NAV3: variants seen among roughly 807,000 people sequenced by gnomAD.
NAV3 encodes the protein neuron navigator 3.
In NAV3, 87 loss-of-function variants were observed where a neutral mutation model predicts 244.7. The observed-to-expected ratio is 0.36, with a 90% CI of 0.30 to 0.42. The LOEUF (loss-of-function observed/expected upper bound fraction) is 0.42, where lower values mean the gene tolerates loss of function less well. Among genes scored for constraint, NAV3 ranks in the 20% least tolerant of loss-of-function variants. NAV3 has a pLI of 1.00. For missense variants in NAV3, 2,663 were observed against 2,893.3 expected, an observed-to-expected ratio of 0.92 and a Z score of 1.83; for synonymous variants, 1,126 against 1,042.2, an observed-to-expected ratio of 1.08 and a Z score of -1.55.
At chr12:77,881,438 C>A (rs1039351705) in intron 1 of NAV3, among the ~76,000 whole-genome samples, 1 of 152,056 alleles carries the variant, frequency 6.6e-6, no homozygotes, top group Non-Finnish European at 1.5e-5. Context: ...AACAGTCAAC[C>A]TTTTACAGCT....
chr12:77,872,438 G>C (rs564233097), intron 1 of NAV3, among the ~76,000 whole-genome samples: 1 of 152,306 alleles, frequency 6.6e-6, no homozygotes, highest in South Asian at 2.1e-4. Context: ...GGTATAGGTA[G>C]TAGTTGGTGG....
chr12:77,947,766 A>G (rs1890501954), intron 3 of NAV3, among the ~76,000 whole-genome samples: 1 of 152,046 alleles, frequency 6.6e-6, no homozygotes, highest in African/African-American at 2.4e-5. Context: ...ATATGTATAA[A>G]CTACTAGTAT....
intron 1 of NAV3, among the ~76,000 whole-genome samples, chr12:77,892,256 A>G (rs1336074842): frequency 7.2e-5 from 11 of 152,188 alleles, no homozygotes. Context: ...GGTCCATGAT[A>G]TAGTTGTAAT....
chr12:77,634,194 A>T (rs1279738645), intron 2 of NAV3, among the ~76,000 whole-genome samples: 1 of 151,752 alleles, frequency 6.6e-6, no homozygotes, highest in Non-Finnish European at 1.5e-5. Context: ...TAAATAGCTT[A>T]ACTGGTCCCT....
At chr12:78,097,957 T>C (rs2611265) in intron 12 of NAV3, among the ~76,000 whole-genome samples, 44,049 of 152,064 alleles carry the variant, frequency 0.29, 7,788 homozygotes, top group Non-Finnish European at 0.42. Context: ...AGAGACAATT[T>C]AGCTCAGACT....
At chr12:77,682,709 A>G (rs1057276121) in intron 2 of NAV3, among the ~76,000 whole-genome samples, 1 of 152,128 alleles carries the variant, frequency 6.6e-6, no homozygotes, top group Admixed American at 6.5e-5. Context: ...ATAGTAGTGA[A>G]GTGATACTTC....
intron 2 of NAV3, among the ~76,000 whole-genome samples, chr12:77,781,283 T>A (rs1469150672): frequency 6.6e-6 from 1 of 152,188 alleles, no homozygotes; most frequent in African/African-American, 2.4e-5. Context: ...GGAACATGCC[T>A]CTTTTTACCC....
At chr12:78,137,819 G>T (rs1297657316) in intron 19 of NAV3, among the ~76,000 whole-genome samples, 1 of 151,934 alleles carries the variant, frequency 6.6e-6, no homozygotes, top group African/African-American at 2.4e-5. Flanking sequence ...AATTCATATT[G>T]TACCTACTTT....
chr12:77,997,485 C>G (rs1281529570), intron 6 of NAV3, among the ~76,000 whole-genome samples: 1 of 152,118 alleles, frequency 6.6e-6, no homozygotes, highest in East Asian at 1.9e-4. Flanking sequence ...AAGTTACTAC[C>G]TCCAGTCAAA....
chr12:77,823,803 A>C (rs928565609), intron 2 of NAV3, among the ~76,000 whole-genome samples: 3 of 152,222 alleles, frequency 2.0e-5, no homozygotes, highest in Non-Finnish European at 4.4e-5. Flanking sequence ...TACTTAAGAA[A>C]TGGCAGAGGT....
chr12:77,768,594 A>C (rs539562617), intron 2 of NAV3, among the ~76,000 whole-genome samples: 2 of 152,346 alleles, frequency 1.3e-5, no homozygotes, highest in East Asian at 1.9e-4. Flanking sequence ...CTTTGCTCTG[A>C]AATCAGAACA....
chr12:77,669,034 G>T (rs1262862683), intron 2 of NAV3, among the ~76,000 whole-genome samples: 1 of 152,162 alleles, frequency 6.6e-6, no homozygotes, highest in Non-Finnish European at 1.5e-5. Flanking sequence ...CAAGAATTTT[G>T]TATCCAGCAA....
At chr12:77,592,475 C>T (rs910589609) in intron 2 of NAV3, among the ~76,000 whole-genome samples, 4 of 152,216 alleles carry the variant, frequency 2.6e-5, no homozygotes, top group East Asian at 3.9e-4. Context: ...CACTCTGAAG[C>T]GATAATCAAA....
rs547632721 is a variant in NAV3, at chr12:78,068,406, G to GT, written c.2636+9298dup. ...CCTAAACATATCTATACTATAAATA[G>GT]TTTTTTTAAAATTCAGCTTCAAAAA... On this transcript the variant is annotated intron_variant, in intron 12 of 39. Transcript: ENST00000397909. Among the ~76,000 whole-genome samples the GT allele has an allele frequency of 4.7e-3, 708 of 150,692 alleles. 5 individuals carry two copies. Among genetic ancestry groups the GT allele is most frequent in the African/African-American group, 0.016 (645 of 41,274 alleles).
intron 38 of NAV3, among the ~76,000 whole-genome samples, chr12:78,203,087 A>AT (rs1320164606): frequency 2.0e-5 from 3 of 151,944 alleles, no homozygotes. Context: ...ATGGATTTTG[A>AT]TTTTTTTCTG....
At chr12:78,093,996 A>C (rs756584404) in intron 12 of NAV3, among the ~76,000 whole-genome samples, 22 of 152,196 alleles carry the variant, frequency 1.4e-4, no homozygotes, top group Non-Finnish European at 2.5e-4. Flanking sequence ...ACACACCATC[A>C]CATCTGACTA....
At chr12:77,572,889 G>A (rs1868894571) in intron 2 of NAV3, among the ~76,000 whole-genome samples, 1 of 147,208 alleles carries the variant, frequency 6.8e-6, no homozygotes, top group African/African-American at 2.5e-5. Context: ...ACTAAGGGAT[G>A]TACTTCACCT....
chr12:77,885,349 G>A (rs1883159740), intron 1 of NAV3, among the ~76,000 whole-genome samples: 1 of 152,038 alleles, frequency 6.6e-6, no homozygotes, highest in Non-Finnish European at 1.5e-5. Context: ...GCCAAAGGTT[G>A]TACTGCTGCT....
chr12:77,963,594 G>T (rs995909716), intron 3 of NAV3, among the ~76,000 whole-genome samples: 1 of 152,096 alleles, frequency 6.6e-6, no homozygotes, highest in African/African-American at 2.4e-5. Flanking sequence ...ATAAATAAAT[G>T]CACTTTAATG....
Sources: gnomAD v4.1 joint callset for allele counts (sites outside exome capture counted in the v4.1 genomes callset) on GRCh38, gnomAD v4.1.1 for gene constraint, MANE v1.5 for transcripts, NCBI Gene and HGNC (gene_info 2026-07-23, HGNC 2026-07-21) for gene names.